TLN2: variants seen among roughly 807,000 people sequenced by gnomAD.
TLN2 encodes talin 2.
TLN2 carries 118 observed loss-of-function variants against 294.7 expected under a neutral mutation model. That is an observed-to-expected ratio of 0.40 (90% CI 0.34 to 0.47). The LOEUF (loss-of-function observed/expected upper bound fraction) is 0.47, where lower values mean the gene tolerates loss of function less well. TLN2 is among the 20% of genes least tolerant of loss of function. The pLI is 0.84. For missense variants in TLN2, 3,083 were observed against 3,282.2 expected, an observed-to-expected ratio of 0.94 and a Z score of 1.48; for synonymous variants, 1,431 against 1,304.5, an observed-to-expected ratio of 1.10 and a Z score of -2.09.
intron 2 of TLN2, among the ~76,000 whole-genome samples, chr15:62,616,522 C>T (rs949858451): frequency 1.3e-5 from 2 of 152,160 alleles, no homozygotes; most frequent in Admixed American, 6.5e-5. Flanking sequence ...TCAACCTCCT[C>T]GCCTCAAGTG....
chr15:62,635,444 A>T (rs570839415), intron 3 of TLN2, among the ~76,000 whole-genome samples: 3 of 152,228 alleles, frequency 2.0e-5, no homozygotes, highest in African/African-American at 7.2e-5. Context: ...AGAGTTTACA[A>T]TACTGTGGGG....
chr15:62,484,682 C>T (rs998322089), intron 1 of TLN2, among the ~76,000 whole-genome samples: 2 of 152,148 alleles, frequency 1.3e-5, no homozygotes, highest in Admixed American at 6.5e-5. Context: ...GCCTCAGCCT[C>T]CCAAAGTGCT....
intron 4 of TLN2, 185 bp from the exon 5 acceptor site, chr15:62,649,899 C>T: frequency 1.8e-6 from 1 of 559,350 alleles, no homozygotes; most frequent in South Asian, 2.3e-5. Context: ...GCTTCTGCAA[C>T]TCAACTCTTA....
chr15:62,522,129 C>CTT (rs2040491582), intron 1 of TLN2, among the ~76,000 whole-genome samples: 1 of 152,112 alleles, frequency 6.6e-6, no homozygotes, highest in Admixed American at 6.6e-5. Context: ...GGTGGAGGGG[C>CTT]TTAGGGCTTT....
intron 1 of TLN2, among the ~76,000 whole-genome samples, chr15:62,408,113 TA>T (rs533917659): frequency 2.4e-4 from 37 of 152,142 alleles, no homozygotes; most frequent in Middle Eastern, 3.4e-3. Flanking sequence ...TAGTGGAAAA[TA>T]AATCTGGCTT....
intron 1 of TLN2, among the ~76,000 whole-genome samples, chr15:62,453,940 A>G (rs755000830): frequency 3.6e-4 from 55 of 152,226 alleles, no homozygotes; most frequent in Admixed American, 2.9e-3. Flanking sequence ...GGTGGATAAA[A>G]TCAGTTTTGC....
chr15:62,394,784 G>T (rs1372581486), intron 1 of TLN2, among the ~76,000 whole-genome samples: 1 of 152,128 alleles, frequency 6.6e-6, no homozygotes, highest in African/African-American at 2.4e-5. Flanking sequence ...TCTTTGGCTT[G>T]GGGCAGGTGC....
chr15:62,751,039 AAT>A (rs1567525335), intron 34 of TLN2, among the ~76,000 whole-genome samples: 117 of 152,262 alleles, frequency 7.7e-4, no homozygotes, highest in African/African-American at 2.7e-3. Flanking sequence ...AAGATAATAT[AAT>A]GGCTTGTTAC....
chr15:62,723,835 C>T (rs918637682), intron 26 of TLN2, among the ~76,000 whole-genome samples: 2 of 151,632 alleles, frequency 1.3e-5, no homozygotes, highest in Admixed American at 6.6e-5. Flanking sequence ...CAGGCGTGAG[C>T]CACTGCACCC....
At chr15:62,785,486 A>G (rs1314503626) in intron 45 of TLN2, among the ~76,000 whole-genome samples, 1 of 152,046 alleles carries the variant, frequency 6.6e-6, no homozygotes, top group South Asian at 2.1e-4. Context: ...AACATGGCGT[A>G]CCCCCTTGTC....
intron 32 of TLN2, among the ~76,000 whole-genome samples, chr15:62,747,496 A>G (rs1034100846): frequency 2.0e-5 from 3 of 152,222 alleles, no homozygotes; most frequent in African/African-American, 7.2e-5. Flanking sequence ...ATGTATTTAA[A>G]AATGTACAAA....
At chr15:62,604,097 G>GT (rs2047216579) in intron 2 of TLN2, among the ~76,000 whole-genome samples, 2 of 152,046 alleles carry the variant, frequency 1.3e-5, no homozygotes, top group African/African-American at 4.8e-5. Flanking sequence ...AATTCATTTG[G>GT]TTTTTTTCCT....
rs111289549 is a variant in TLN2 at position 62,435,049 on chromosome 15, G to C, written c.-238+44364G>C. Among the ~76,000 whole-genome samples, 196 of 152,278 alleles carry C rather than the reference G, an allele frequency of 1.3e-3. 1 individual carries two copies. Among genetic ancestry groups the C allele is most frequent in the Non-Finnish European group, 2.2e-3 (153 of 68,018 alleles). On this transcript the variant is annotated intron_variant, in intron 1 of 58. Coordinates refer to ENST00000636159, the MANE Select transcript of TLN2 (RefSeq NM_015059.3). ...TCTGTTTCTGCCTTAGTTTGCTGAGGATGATGACTTCCAGCTCCATCCATG... is the reference window on the plus strand; with the variant it reads ...TCTGTTTCTGCCTTAGTTTGCTGAGCATGATGACTTCCAGCTCCATCCATG...
chr15:62,674,693 G>C (rs1471488125), intron 10 of TLN2, among the ~76,000 whole-genome samples: 3 of 151,776 alleles, frequency 2.0e-5, no homozygotes, highest in Non-Finnish European at 2.9e-5. Flanking sequence ...GTAGAGAGGG[G>C]GTTTCACCAT....
chr15:62,794,997 A>G (rs2065360917), intron 46 of TLN2, among the ~76,000 whole-genome samples: 4 of 152,234 alleles, frequency 2.6e-5, no homozygotes, highest in Admixed American at 2.0e-4. Flanking sequence ...CTAGCCTGAC[A>G]CATGCGATTT....
chr15:62,713,309 G>A (rs1201327803), intron 22 of TLN2, among the ~76,000 whole-genome samples: 2 of 147,584 alleles, frequency 1.4e-5, no homozygotes, highest in Admixed American at 6.8e-5. Context: ...GATTCATTAA[G>A]TGTCTCCACA....
chr15:62,492,329 C>T lies in TLN2; in HGVS notation c.-237-97358C>T, dbSNP rs144923887. On this transcript the variant is annotated intron_variant, in intron 1 of 58. Transcript: ENST00000636159. ...ATCCCAGCACTTTGGGACGCCAAGGCGGGTGGATCACGAGGTCAGGAGATC... is the reference window on the plus strand; with the variant it reads ...ATCCCAGCACTTTGGGACGCCAAGGTGGGTGGATCACGAGGTCAGGAGATC... Among the ~76,000 whole-genome samples the T allele has an allele frequency of 5.5e-4, 83 of 151,856 alleles. 1 individual carries two copies. The highest frequency in any genetic ancestry group is 5.3e-3 in the East Asian group (27 of 5,134).
chr15:62,564,925 A>AAAT (rs759679956), intron 1 of TLN2, among the ~76,000 whole-genome samples: 78 of 80,624 alleles, frequency 9.7e-4, no homozygotes, highest in African/African-American at 3.4e-3. Context: ...AAAAAAAAAA[A>AAAT]ATATATATAT....
chr15:62,530,123 G>C (rs1294747730), intron 1 of TLN2, among the ~76,000 whole-genome samples: 4 of 152,096 alleles, frequency 2.6e-5, no homozygotes, highest in Non-Finnish European at 5.9e-5. Context: ...CCCGAGAGGC[G>C]CAGGTTGCAG....
Sources: gnomAD v4.1 joint callset for allele counts (sites outside exome capture counted in the v4.1 genomes callset) on GRCh38, gnomAD v4.1.1 for gene constraint, MANE v1.5 for transcripts, NCBI Gene and HGNC (gene_info 2026-07-23, HGNC 2026-07-21) for gene names.